PRPS2: variants seen among roughly 807,000 people sequenced by gnomAD.
PRPS2 encodes the protein phosphoribosyl pyrophosphate synthetase 2, also known as ribose-phosphate pyrophosphokinase 2.
For synonymous variants in PRPS2, 111 were observed against 115.3 expected, an observed-to-expected ratio of 0.96 and a Z score of 0.24; for missense variants, 104 against 271.5, an observed-to-expected ratio of 0.38 and a Z score of 4.34.
chrX:12,804,760 T>C (rs1403415834), intron 2 of PRPS2, among the ~76,000 whole-genome samples: 1 of 111,341 alleles, frequency 9.0e-6, no homozygotes, highest in African/African-American at 3.3e-5. Flanking sequence ...TGGCGTTAGA[T>C]TGTGATGAGA....
intron 2 of PRPS2, among the ~76,000 whole-genome samples, chrX:12,802,969 C>T (rs757841968): frequency 6.2e-5 from 7 of 112,025 alleles, no homozygotes; most frequent in Non-Finnish European, 1.3e-4. Flanking sequence ...CATGTGGTTT[C>T]TCGTTAGAGA....
In PRPS2 at chrX:12,822,636, A is replaced by G. The variant is rs770768457; in HGVS notation, c.865-68A>G. On this transcript the variant is annotated intron_variant, in intron 6 of 6. Transcript: ENST00000380668. ...TGTTTCTCAGCTTTCCAGCTTTTCA[A>G]TGTTTAAAGAACTCTAACTAAGATG... is the stretch of plus-strand genomic sequence containing the variant. 326 of 981,658 alleles carry G rather than the reference A, an allele frequency of 3.3e-4. No homozygotes were observed. The highest frequency in any genetic ancestry group is 1.8e-3 in the African/African-American group (95 of 52,982). 80.9% of individuals were successfully genotyped at this position (981,658 alleles called of 1,213,427 possible).
chrX:12,817,445 C>T (rs1424061866), intron 4 of PRPS2, among the ~76,000 whole-genome samples: 8 of 33,248 alleles, frequency 2.4e-4, no homozygotes, highest in Non-Finnish European at 3.4e-4. Context: ...CCCCTCTTTA[C>T]AAGAAATAAA....
chrX:12,793,079 A>G (rs1281879264), intron 1 of PRPS2, among the ~76,000 whole-genome samples: 1 of 112,243 alleles, frequency 8.9e-6, no homozygotes, highest in Non-Finnish European at 1.9e-5. Context: ...GGCTCTGGAG[A>G]AGGATAGAGC....
chrX:12,809,544 G>A (rs979479870), intron 3 of PRPS2, among the ~76,000 whole-genome samples: 1 of 111,629 alleles, frequency 9.0e-6, no homozygotes, highest in Non-Finnish European at 1.9e-5. Flanking sequence ...TGGCTTTTTG[G>A]TAGTAAGCTC....
intron 2 of PRPS2, among the ~76,000 whole-genome samples, chrX:12,805,431 G>A (rs2042588415): frequency 1.8e-5 from 2 of 111,948 alleles, no homozygotes; most frequent in South Asian, 7.4e-4. Flanking sequence ...AAAAGAGCTG[G>A]ATGTCAAACA....
chrX:12,797,397 A>G (rs943304134), intron 1 of PRPS2, among the ~76,000 whole-genome samples: 1 of 110,503 alleles, frequency 9.0e-6, no homozygotes, highest in Non-Finnish European at 1.9e-5. Context: ...TATGACAGAG[A>G]TGGAACTTTC....
At chrX:12,810,423 T>C (rs2042617839) in intron 4 of PRPS2, 1 of 294,970 alleles carries the variant, frequency 3.4e-6, no homozygotes, top group Non-Finnish European at 5.9e-6. Flanking sequence ...TTGAGGTTTT[T>C]TTAAGTTATC....
chrX:12,812,082 C>T (rs1262495425), intron 4 of PRPS2, among the ~76,000 whole-genome samples: 1 of 111,975 alleles, frequency 8.9e-6, no homozygotes, highest in Non-Finnish European at 1.9e-5. Context: ...TGCCCTTGGC[C>T]AAGAATCAAG....
rs1014776281 is a variant in PRPS2 at position 12,806,322 on chromosome X, A to G, written c.307-2912A>G. On this transcript the variant is annotated intron_variant, in intron 2 of 6. Coordinates refer to ENST00000380668, the MANE Select transcript of PRPS2 (RefSeq NM_002765.5). ...TTTTTTAAAAGCCTGTCAATTTTAC[A>G]CTTTTCAAAAGGTGATATTTGATGC... Among the ~76,000 whole-genome samples the G allele has an allele frequency of 5.4e-5, 6 of 112,045 alleles. No individual in the cohort carries two copies. The East Asian group carries it at 1.7e-3, about 31-fold the overall frequency.
intron 4 of PRPS2, among the ~76,000 whole-genome samples, chrX:12,811,964 C>T (rs762078352): frequency 6.5e-4 from 73 of 111,748 alleles, no homozygotes; most frequent in African/African-American, 2.2e-3. Flanking sequence ...ATATAAAAGA[C>T]GGGAGCAGAA....
At chrX:12,801,257 T>C (rs1490134998) in intron 2 of PRPS2, among the ~76,000 whole-genome samples, 1 of 109,913 alleles carries the variant, frequency 9.1e-6, no homozygotes, top group Non-Finnish European at 1.9e-5. Flanking sequence ...TGTGTGTATG[T>C]GTGTGTGTGT....
intron 4 of PRPS2, among the ~76,000 whole-genome samples, chrX:12,815,396 C>T (rs779309674): frequency 4.0e-4 from 44 of 111,143 alleles, no homozygotes; most frequent in Non-Finnish European, 6.2e-4. Context: ...TTAACTTCTC[C>T]GGTATAGAAC....
chrX:12,816,035 T>C (rs375900309), intron 4 of PRPS2, among the ~76,000 whole-genome samples: 1 of 111,942 alleles, frequency 8.9e-6, no homozygotes, highest in East Asian at 2.8e-4. Flanking sequence ...AGGAAACTGT[T>C]GACAGCTAGA....
intron 2 of PRPS2, among the ~76,000 whole-genome samples, chrX:12,807,512 T>G (rs2042599567): frequency 8.9e-6 from 1 of 112,484 alleles, no homozygotes; most frequent in East Asian, 2.8e-4. Flanking sequence ...CCTGGAACTT[T>G]GTTACACTAA....
At chrX:12,805,978 C>T (rs1325766542) in intron 2 of PRPS2, among the ~76,000 whole-genome samples, 2 of 110,419 alleles carry the variant, frequency 1.8e-5, no homozygotes, top group East Asian at 5.7e-4. Context: ...GGGGCTGGGG[C>T]AGGAGAATTG....
chrX:12,804,769 G>T (rs777350192), intron 2 of PRPS2, among the ~76,000 whole-genome samples: 3 of 111,451 alleles, frequency 2.7e-5, no homozygotes, highest in Non-Finnish European at 5.7e-5. Flanking sequence ...ATTGTGATGA[G>T]AAGCTGTGAC....
chrX:12,812,041 A>G (rs1457147471), intron 4 of PRPS2, among the ~76,000 whole-genome samples: 1 of 112,205 alleles, frequency 8.9e-6, no homozygotes, highest in Admixed American at 9.4e-5. Flanking sequence ...CACGTAGCCT[A>G]TTACTGTACG....
chrX:12,817,468 T>TA (rs765566895), intron 4 of PRPS2, among the ~76,000 whole-genome samples: 9,375 of 67,056 alleles, frequency 0.14, 666 homozygotes, highest in Middle Eastern at 0.19. Flanking sequence ...ATGTTCCTCA[T>TA]AAAAAAAAAA....
Sources: allele counts gnomAD v4.1 joint callset (sites outside exome capture counted in the v4.1 genomes callset), GRCh38; gene constraint gnomAD v4.1.1; transcripts MANE v1.5; gene names NCBI Gene and HGNC (gene_info 2026-07-23, HGNC 2026-07-21).